RTEL1: variants seen among roughly 807,000 people sequenced by gnomAD.
RTEL1 encodes regulator of telomere elongation helicase 1, also known as regulator of telomere length.
Under a neutral mutation model 162.2 loss-of-function variants are expected in RTEL1, and 86 were observed. That is an observed-to-expected ratio of 0.53 (90% confidence interval 0.45 to 0.63). The LOEUF is 0.63. Ranked by LOEUF, RTEL1 falls within the 30% of genes least tolerant of loss-of-function variation. The pLI is 0.00. For synonymous variants in RTEL1, 958 were observed against 717.9 expected (o/e 1.33, Z -5.35); for missense variants, 1,941 against 1,750.2 (o/e 1.11, Z -1.95).
rs766667128 is a variant in RTEL1 at position 63,693,304 on chromosome 20, G to T, written c.2992+21G>T. On this transcript the variant is annotated intron_variant, in intron 30 of 34. Transcript: ENST00000360203. ...CACTGGTAAATGGGGCCCCAGGTGG[G>T]ACCCTCAGACTCCTGCGTGGAAGGC... is the stretch of plus-strand genomic sequence containing the variant. 6.8e-6 allele frequency: 11 copies of T among 1,610,634 alleles called. No homozygotes were observed. In the South Asian group the frequency reaches 1.2e-4, roughly 18 times the overall value.
chr20:63,666,933 G>C (rs920384861), intron 7 of RTEL1, among the ~76,000 whole-genome samples: 5 of 145,872 alleles, frequency 3.4e-5, no homozygotes, highest in African/African-American at 1.3e-4. Context: ...TCCGCCTCCC[G>C]AGTTCACGCC....
intron 8 of RTEL1, 116 bp downstream of exon 8, chr20:63,667,669 G>GTCCTCCCACCC: frequency 1.2e-6 from 1 of 833,988 alleles, no homozygotes; most frequent in Non-Finnish European, 2.0e-6. Context: ...GCCTGGGTGG[G>GTCCTCCCACCC]AGGACTCACC....
chr20:63,695,317 TC>T lies in RTEL1; in HGVS notation c.3500-10del. Reference sequence around the variant, plus strand: ...CCCAGGCCCCCCTCAGACTCAAGTCTCTGTCTCCAGGCCCCTCACGGTCCGA... The same window carrying T: ...CCCAGGCCCCCCTCAGACTCAAGTCTTGTCTCCAGGCCCCTCACGGTCCGA... On this transcript the variant is annotated splice_polypyrimidine_tract_variant and intron_variant, in intron 33 of 34. Coordinates refer to ENST00000360203, the MANE Select transcript of RTEL1 (RefSeq NM_001283009.2). 3 of 1,572,108 alleles carry T rather than the reference TC, an allele frequency of 1.9e-6. No individual in the cohort carries two copies. The highest frequency in any genetic ancestry group is 2.6e-6 in the Non-Finnish European group (3 of 1,158,500).
intron 26 of RTEL1, among the ~76,000 whole-genome samples, 156 bp downstream of exon 26, chr20:63,690,597 C>T (rs999425714): frequency 1.3e-5 from 2 of 152,100 alleles, no homozygotes; most frequent in Non-Finnish European, 2.9e-5. Flanking sequence ...AGGGCAGGGC[C>T]CCCACGGGCT....
intron 30 of RTEL1, 117 bp downstream of exon 30, chr20:63,693,400 C>G (rs1000327450): frequency 2.3e-6 from 3 of 1,303,316 alleles, no homozygotes; most frequent in African/African-American, 2.9e-5. Flanking sequence ...CCTCTCTGTT[C>G]CCCTATGGGA....
chr20:63,662,083 G>A (rs1442176316), intron 4 of RTEL1, 140 bp downstream of exon 4: 1 of 702,648 alleles, frequency 1.4e-6, no homozygotes, highest in Non-Finnish European at 2.4e-6. Flanking sequence ...GCAGAGCGCT[G>A]GTGCCCAGGG....
At chr20:63,662,417 C>A (rs770759810) in intron 4 of RTEL1, 129 bp from the exon 5 acceptor site, 1 of 1,551,530 alleles carries the variant, frequency 6.4e-7, no homozygotes, top group Admixed American at 2.0e-5. Context: ...GCCCGGGCCA[C>A]GTTTCAGTTA....
At chr20:63,691,525 C>T (rs542523986) in intron 27 of RTEL1, among the ~76,000 whole-genome samples, 78 of 152,224 alleles carry the variant, frequency 5.1e-4, no homozygotes, top group Non-Finnish European at 1.0e-3. Flanking sequence ...TGGACCTGCT[C>T]TTACAAGTCA....
chr20:63,694,883 A>G lies in RTEL1; in HGVS notation c.3252A>G (p.Thr1084=), dbSNP rs1212700862. ...AGCSQLLAAL[T]AYKQDDDLDK... is the part of the protein sequence containing the mutation. The stretch of plus-strand genomic sequence containing the variant: ...GTAGCCAACTCTTGGCAGCGCTGAC[A>G]GCCTATAAGCAAGACGACGACCTCG... The change falls in exon 32 of 35, where the codon ACA becomes ACG. Residue 1084 remains threonine, a synonymous_variant. Coordinates refer to ENST00000360203, the MANE Select transcript of RTEL1 (RefSeq NM_001283009.2). The G allele has an allele frequency of 6.2e-7, 1 of 1,612,664 alleles. No individual in the cohort carries two copies. Among genetic ancestry groups the G allele is most frequent in the Non-Finnish European group, 8.5e-7 (1 of 1,179,864 alleles).
chr20:63,674,067 A>C lies in RTEL1; in HGVS notation c.893A>C (p.Glu298Ala), dbSNP rs371358427. ...KAAQQGEPHP[E>A]FSADSPSPGL... Reference sequence around the variant, plus strand: ...GCGCAGCAGGGTGAGCCCCACCCGGAGTTCAGCGCGGACTCCCCCAGCCCA... The same window carrying C: ...GCGCAGCAGGGTGAGCCCCACCCGGCGTTCAGCGCGGACTCCCCCAGCCCA... The change falls in exon 10 of 35, where the codon GAG (glutamate) becomes GCG (alanine). Residue 298 changes from glutamate to alanine, a missense_variant. Glu to Ala is a moderately radical substitution (Grantham distance 107). Transcript: ENST00000360203. 1.9e-6 allele frequency: 3 copies of C among 1,613,084 alleles called. No homozygotes were observed. The highest frequency in any genetic ancestry group is 8.5e-7 in the Non-Finnish European group (1 of 1,179,778).
rs1427272755 is a variant in RTEL1 at position 63,696,128 on chromosome 20, T to TTC, written c.*270_*271insTC. 47 of 524,926 alleles carry TTC rather than the reference T, an allele frequency of 9.0e-5. No homozygotes were observed. In the East Asian group the frequency reaches 1.4e-3, roughly 16 times the overall value. 32.5% of individuals were successfully genotyped at this position (524,926 alleles called of 1,614,324 possible). On this transcript the variant is annotated 3_prime_UTR_variant, in exon 35 of 35. Coordinates refer to ENST00000360203, the MANE Select transcript of RTEL1 (RefSeq NM_001283009.2). ...ACTTCCCTGGCTCCTGGCCTGTGAG[T>TTC]GGTGCCACAGGGGCACCCCAGCTGA...
rs374168761 is a variant in RTEL1, at chr20:63,688,341, C to A, written c.1677C>A (p.Phe559Leu). ...ARVVPYGLLI[F>L]FPSYPVMEKS... The stretch of plus-strand genomic sequence containing the variant: ...TGGTGCCCTATGGGCTCCTGATCTT[C>A]TTCCCTTCCTATCCTGTCATGGAGA... The change falls in exon 20 of 35, where the codon TTC becomes TTA. Residue 559 changes from phenylalanine (F) to leucine (L), a missense_variant. By Grantham distance (22) the Phe-to-Leu change is conservative (BLOSUM62 0). Coordinates refer to ENST00000360203, the MANE Select transcript of RTEL1 (RefSeq NM_001283009.2). The A allele has an allele frequency of 6.2e-7, 1 of 1,612,692 alleles. No homozygotes were observed. The highest frequency in any genetic ancestry group is 8.5e-7 in the Non-Finnish European group (1 of 1,179,980).
intron 27 of RTEL1, 52 bp from the exon 28 acceptor site, chr20:63,691,690 C>T (rs981240875): frequency 4.6e-6 from 7 of 1,521,482 alleles, no homozygotes; most frequent in African/African-American, 4.1e-5. Flanking sequence ...CTTTGGGACC[C>T]CAGAGTGTGT....
chr20:63,693,356 T>G (rs1601185494), intron 30 of RTEL1, 73 bp downstream of exon 30: 1 of 1,578,198 alleles, frequency 6.3e-7, no homozygotes, highest in African/African-American at 1.3e-5. Flanking sequence ...CTGGGCTGCT[T>G]GGGGTGGGCA....
chr20:63,693,319 G>A (rs755304326), intron 30 of RTEL1, 36 bp downstream of exon 30: 11 of 1,608,586 alleles, frequency 6.8e-6, no homozygotes, highest in East Asian at 6.7e-5. Flanking sequence ...TCAGACTCCT[G>A]CGTGGAAGGC....
chr20:63,677,430 C>T (rs541203884), intron 10 of RTEL1, among the ~76,000 whole-genome samples: 9 of 152,310 alleles, frequency 5.9e-5, no homozygotes, highest in African/African-American at 2.2e-4. Context: ...GCCTGAGCAA[C>T]AGGGTGAAAC....
chr20:63,695,374 GTCCT>G lies in RTEL1; in HGVS notation c.3552_3555del (p.Phe1184LeufsTer179). The G allele has an allele frequency of 6.5e-7, 1 of 1,548,534 alleles. No homozygotes were observed. Among genetic ancestry groups the G allele is most frequent in the Non-Finnish European group, 8.7e-7 (1 of 1,147,038 alleles). ...CCGGGAAGACCCAGAGCAAGATCTC[GTCCT>G]TCCTTAGACAGAGGCCAGCAGGGAC... On this transcript the variant is annotated frameshift_variant, in exon 34 of 35. Transcript: ENST00000360203. LOFTEE classifies it high-confidence loss of function.
intron 24 of RTEL1, 52 bp from the exon 25 acceptor site, chr20:63,690,035 G>C: frequency 1.9e-6 from 3 of 1,591,332 alleles, no homozygotes; most frequent in Non-Finnish European, 2.6e-6. Context: ...TCGGTGAACT[G>C]AACCCTTGAA....
chr20:63,690,680 A>T (rs531600826), intron 26 of RTEL1, 125 bp from the exon 27 acceptor site: 3 of 1,126,164 alleles, frequency 2.7e-6, no homozygotes, highest in African/African-American at 3.1e-5. Flanking sequence ...CCCCAATAGC[A>T]GGGAGGACAC....
Sources: allele counts gnomAD v4.1 joint callset (sites outside exome capture counted in the v4.1 genomes callset), GRCh38; gene constraint gnomAD v4.1.1; transcripts MANE v1.5; gene names NCBI Gene and HGNC (gene_info 2026-07-23, HGNC 2026-07-21).